HS6ST2: variants seen among roughly 807,000 people sequenced by gnomAD.
HS6ST2 encodes heparan-sulfate 6-O-sulfotransferase 2.
A neutral mutation model predicts 33.0 loss-of-function variants in HS6ST2; 17 were observed. The ratio of observed to expected loss-of-function variants is 0.52; its 90% confidence interval spans 0.35 to 0.77. HS6ST2 has a LOEUF of 0.77. HS6ST2 is among the 30% of genes least tolerant of loss of function. The pLI is 0.01. For synonymous variants in HS6ST2, 248 were observed against 237.1 expected, an observed-to-expected ratio of 1.05 and a Z score of -0.42; for missense variants, 519 against 551.7, an observed-to-expected ratio of 0.94 and a Z score of 0.59.
At chrX:132,960,307 G>A (rs148163877), upstream of HS6ST2, among the ~76,000 whole-genome samples, 49 of 110,256 alleles carry the variant, frequency 4.4e-4, 2 homozygotes, top group East Asian at 0.011. Flanking sequence ...CCTTCTGCTT[G>A]GCCACTCACT....
Position 132,831,701 on chromosome X carries a change from C to G in HS6ST2, c.948-123207G>C, listed in dbSNP as rs1272393454. 2.4e-4 allele frequency among the ~76,000 whole-genome samples: 27 copies of G among 112,259 alleles called. No homozygotes were observed. In the Admixed American group the frequency reaches 2.5e-3, roughly 10 times the overall value. On this transcript the variant is annotated intron_variant, in intron 2 of 4. Coordinates refer to ENST00000370833, the MANE Select transcript of HS6ST2 (RefSeq NM_001394073.1). ...ACAAAAGGGTCAGGCCTGTCTTAGGCAGAAGCCACCCAGGGCAACAATGTT... is the reference window on the plus strand; with the variant it reads ...ACAAAAGGGTCAGGCCTGTCTTAGGGAGAAGCCACCCAGGGCAACAATGTT...
At chrX:132,831,402 C>G (rs2065588763) in intron 2 of HS6ST2, among the ~76,000 whole-genome samples, 1 of 111,222 alleles carries the variant, frequency 9.0e-6, no homozygotes, top group African/African-American at 3.3e-5. Context: ...TCCAGAATTT[C>G]TGGTACAAAA....
chrX:132,780,583 C>T (rs2065008786), intron 2 of HS6ST2, among the ~76,000 whole-genome samples: 1 of 111,400 alleles, frequency 9.0e-6, no homozygotes, highest in African/African-American at 3.3e-5. Flanking sequence ...TGGATTAGGG[C>T]CTGAAGCTAT....
chrX:132,842,445 C>T (rs1382018080), intron 2 of HS6ST2, among the ~76,000 whole-genome samples: 1 of 112,204 alleles, frequency 8.9e-6, no homozygotes, highest in Non-Finnish European at 1.9e-5. Context: ...AATGCAAGCG[C>T]ATTGTGCTGC....
At chrX:132,774,983 A>C (rs2064942927) in intron 2 of HS6ST2, among the ~76,000 whole-genome samples, 1 of 110,776 alleles carries the variant, frequency 9.0e-6, no homozygotes, top group Non-Finnish European at 1.9e-5. Flanking sequence ...GCCCGGCCCA[A>C]AGTACCGTTT....
chrX:132,883,751 C>A (rs940835022), intron 2 of HS6ST2, among the ~76,000 whole-genome samples: 1 of 111,190 alleles, frequency 9.0e-6, no homozygotes, highest in African/African-American at 3.3e-5. Flanking sequence ...ACTTCAGCAG[C>A]TCCAAATGGC....
At chrX:132,669,405 G>A (rs1425465042) in intron 3 of HS6ST2, among the ~76,000 whole-genome samples, 2 of 104,361 alleles carry the variant, frequency 1.9e-5, no homozygotes, top group African/African-American at 7.1e-5. Flanking sequence ...GGGAACCACT[G>A]GTCAAGTTCA....
At chrX:132,904,348 T>C (rs1044410131) in intron 2 of HS6ST2, among the ~76,000 whole-genome samples, 3 of 111,317 alleles carry the variant, frequency 2.7e-5, no homozygotes, top group Non-Finnish European at 5.7e-5. Context: ...CATAGTCCTA[T>C]TGTTAAAAGT....
chrX:132,687,082 T>C (rs1237799715), intron 3 of HS6ST2, among the ~76,000 whole-genome samples: 1 of 112,314 alleles, frequency 8.9e-6, no homozygotes, highest in East Asian at 2.8e-4. Flanking sequence ...GCATCCCTTC[T>C]AGACCAATAT....
At chrX:132,786,584 T>G (rs914979425) in intron 2 of HS6ST2, among the ~76,000 whole-genome samples, 2 of 109,539 alleles carry the variant, frequency 1.8e-5, no homozygotes, top group Non-Finnish European at 3.8e-5. Context: ...ATCCTTGTCA[T>G]TATCTTCTTT....
chrX:132,718,267 C>G (rs1318617523), intron 2 of HS6ST2, among the ~76,000 whole-genome samples: 1 of 111,015 alleles, frequency 9.0e-6, no homozygotes, highest in Non-Finnish European at 1.9e-5. Context: ...GGTGCTGGGA[C>G]CAAGCTCATG....
chrX:132,757,610 C>T (rs1237332828), intron 2 of HS6ST2, among the ~76,000 whole-genome samples: 1 of 109,388 alleles, frequency 9.1e-6, no homozygotes, highest in East Asian at 2.8e-4. Context: ...TTTGTGTTCT[C>T]TCTCTCTCTC....
At chrX:132,847,884 A>G (rs1199532387) in intron 2 of HS6ST2, among the ~76,000 whole-genome samples, 1 of 112,481 alleles carries the variant, frequency 8.9e-6, no homozygotes, top group African/African-American at 3.2e-5. Flanking sequence ...GTATGGTTCC[A>G]AGAAGCCCAG....
chrX:132,772,774 A>T (rs1413450681), intron 2 of HS6ST2, among the ~76,000 whole-genome samples: 1 of 91,848 alleles, frequency 1.1e-5, no homozygotes, highest in Non-Finnish European at 2.0e-5. Context: ...TATAATATAT[A>T]TATTATTTTA....
intron 2 of HS6ST2, among the ~76,000 whole-genome samples, chrX:132,875,550 T>C (rs1243854094): frequency 8.9e-6 from 1 of 112,197 alleles, no homozygotes; most frequent in Non-Finnish European, 1.9e-5. Context: ...TCTCTCAGCC[T>C]GTGTCAGCAG....
chrX:132,695,142 C>T (rs1222916352), intron 3 of HS6ST2, among the ~76,000 whole-genome samples: 4 of 111,288 alleles, frequency 3.6e-5, no homozygotes, highest in South Asian at 3.8e-4. Flanking sequence ...CAAACCCATC[C>T]GCCACTTGGT....
chrX:132,738,716 G>A (rs1373662156), intron 2 of HS6ST2, among the ~76,000 whole-genome samples: 2 of 111,869 alleles, frequency 1.8e-5, no homozygotes, highest in Non-Finnish European at 3.8e-5. Context: ...CAGCAAGGTG[G>A]ACTCATTGGT....
chrX:132,792,872 C>G (rs2065130601), intron 2 of HS6ST2, among the ~76,000 whole-genome samples: 1 of 92,832 alleles, frequency 1.1e-5, no homozygotes, highest in Admixed American at 1.1e-4. Context: ...GGATATACCA[C>G]ATGTTGTTTA....
At position 132,646,535 on chromosome X, in the gene HS6ST2, TA is replaced by T. The variant is rs34230779; in HGVS notation, c.1068-17443del. Among the ~76,000 whole-genome samples the T allele has an allele frequency of 6.2e-3, 416 of 67,216 alleles. 5 individuals are homozygous for T. The highest frequency in any genetic ancestry group is 0.018 in the African/African-American group (286 of 16,243). The allele number at this position is 67,216 out of a possible 115,157, so 58.4% of individuals were successfully genotyped here. A position where few individuals can be genotyped will look rare whatever the true frequency, so the allele number is the denominator to read the frequency against. On this transcript the variant is annotated intron_variant, in intron 4 of 4. Coordinates refer to ENST00000370833, the MANE Select transcript of HS6ST2 (RefSeq NM_001394073.1). ...AATAACAGAGCAAGACCCTGTCTCT[TA>T]AAAAAAAAAAAAAAAAAAAAAGTCA...
Sources: allele counts gnomAD v4.1 joint callset (sites outside exome capture counted in the v4.1 genomes callset), GRCh38; gene constraint gnomAD v4.1.1; transcripts MANE v1.5; gene names NCBI Gene and HGNC (gene_info 2026-07-23, HGNC 2026-07-21).